MAF: variants seen among roughly 807,000 people sequenced by gnomAD.
MAF encodes the protein transcription factor Maf.
Under a neutral mutation model 22.0 loss-of-function variants are expected in MAF, and 10 were observed. The observed-to-expected ratio is 0.45, with a 90% confidence interval of 0.28 to 0.77. MAF has a LOEUF of 0.77. Among genes scored for constraint, MAF ranks in the 30% least tolerant of loss-of-function variants. MAF has a pLI of 0.12. For missense variants in MAF, 544 were observed against 548.4 expected (o/e 0.99, Z 0.08); for synonymous variants, 337 against 255.8 (o/e 1.32, Z -3.03).
the MAF span, among the ~76,000 whole-genome samples, chr16:79,215,268 G>C: frequency 6.6e-6 from 1 of 152,054 alleles, no homozygotes; most frequent in South Asian, 2.1e-4. Context: ...TTTAAACAGA[G>C]ATGGGGTCTT....
chr16:79,571,004 A>G, the MAF span, among the ~76,000 whole-genome samples: 6 of 152,138 alleles, frequency 3.9e-5, no homozygotes, highest in African/African-American at 7.2e-5. Context: ...GAGGAAACCA[A>G]GCGTCTATAG....
At chr16:79,386,578 C>A in the MAF span, among the ~76,000 whole-genome samples, 3 of 152,170 alleles carry the variant, frequency 2.0e-5, no homozygotes, top group Non-Finnish European at 2.9e-5. Flanking sequence ...TTAACCATAC[C>A]AGCCCATGGC....
the MAF span, chr16:79,211,656 G>T: frequency 1.2e-6 from 2 of 1,614,194 alleles, no homozygotes; most frequent in Non-Finnish European, 1.7e-6. Context: ...CCCAGAACTG[G>T]AGGGTCTGGG....
chr16:79,501,159 G>A, the MAF span, among the ~76,000 whole-genome samples: 1 of 152,128 alleles, frequency 6.6e-6, no homozygotes, highest in Non-Finnish European at 1.5e-5. Flanking sequence ...CCAAGCATCT[G>A]TCCTAGCTTC....
chr16:79,511,497 T>C, the MAF span, among the ~76,000 whole-genome samples: 67 of 152,138 alleles, frequency 4.4e-4, no homozygotes, highest in Non-Finnish European at 7.9e-4. Flanking sequence ...AATAAAAACA[T>C]TGCTGCATTT....
At chr16:79,428,849 A>AAATAATAATAATAAT in the MAF span, among the ~76,000 whole-genome samples, 7,572 of 146,528 alleles carry the variant, frequency 0.052, 232 homozygotes, top group East Asian at 0.12. Context: ...TGTCTCAGAA[A>AAATAATAATAATAAT]AATAATAATA....
rs1913375349 is a variant in MAF, at chr16:79,594,382, AG to A, written c.*77del. On this transcript the variant is annotated 3_prime_UTR_variant, in exon 2 of 2. Coordinates refer to ENST00000326043, the MANE Select transcript of MAF (RefSeq NM_005360.5). ...TTAAAAAGGAGACTAAACAGAAGTC[AG>A]GGGTAGGTGGTTCTCCATGACTGCA... The A allele has an allele frequency of 7.9e-7, 1 of 1,260,610 alleles. No homozygotes were observed. Among genetic ancestry groups the A allele is most frequent in the African/African-American group, 1.5e-5 (1 of 67,314 alleles). The allele number at this position is 1,260,610 out of a possible 1,614,324, so 78.1% of individuals were successfully genotyped here. A position where few individuals can be genotyped will look rare whatever the true frequency, so the allele number is the denominator to read the frequency against.
At chr16:79,432,663 AGTT>A in the MAF span, among the ~76,000 whole-genome samples, 1 of 152,188 alleles carries the variant, frequency 6.6e-6, no homozygotes, top group South Asian at 2.1e-4. Flanking sequence ...TTGTGGAAGT[AGTT>A]AAGATGAAGT....
At chr16:79,297,073 C>T in the MAF span, among the ~76,000 whole-genome samples, 1 of 152,336 alleles carries the variant, frequency 6.6e-6, no homozygotes, top group East Asian at 1.9e-4. Context: ...AATACAGTCG[C>T]TTCTTACTCC....
the MAF span, among the ~76,000 whole-genome samples, chr16:79,493,143 GTTTT>G: frequency 8.6e-6 from 1 of 116,436 alleles, no homozygotes; most frequent in African/African-American, 4.8e-5. Flanking sequence ...TTTTTTTTTT[GTTTT>G]GTTTTGTCTT....
At chr16:79,532,687 C>G in the MAF span, among the ~76,000 whole-genome samples, 1 of 152,136 alleles carries the variant, frequency 6.6e-6, no homozygotes, top group South Asian at 2.1e-4. Flanking sequence ...CGTCATAAAG[C>G]ATTCGTGTGT....
At chr16:79,449,116 C>G in the MAF span, among the ~76,000 whole-genome samples, 1 of 152,172 alleles carries the variant, frequency 6.6e-6, no homozygotes, top group African/African-American at 2.4e-5. Flanking sequence ...AGCCCAGACT[C>G]CTGGCATGCA....
the MAF span, among the ~76,000 whole-genome samples, chr16:79,245,529 A>C: frequency 6.6e-6 from 1 of 152,090 alleles, no homozygotes; most frequent in Non-Finnish European, 1.5e-5. Context: ...ACCAGTTAGA[A>C]TGGCGATCAT....
the MAF span, among the ~76,000 whole-genome samples, chr16:79,387,716 A>G: frequency 6.6e-6 from 1 of 152,252 alleles, no homozygotes; most frequent in Non-Finnish European, 1.5e-5. Context: ...TCTAATGTTT[A>G]TATTGAGAAT....
the MAF span, among the ~76,000 whole-genome samples, chr16:79,517,028 A>T: frequency 2.0e-5 from 3 of 149,238 alleles, no homozygotes; most frequent in African/African-American, 4.9e-5. Flanking sequence ...AAGTTTTTTT[A>T]TTTTTTTTTT....
the MAF span, among the ~76,000 whole-genome samples, chr16:79,519,452 CGTT>C: frequency 6.6e-6 from 1 of 152,218 alleles, no homozygotes; most frequent in Non-Finnish European, 1.5e-5. Flanking sequence ...ACCCAGAACA[CGTT>C]TCCAGGGAGA....
At chr16:79,279,921 G>A in the MAF span, among the ~76,000 whole-genome samples, 553 of 152,318 alleles carry the variant, frequency 3.6e-3, 1 homozygote, top group Middle Eastern at 6.8e-3. Context: ...TTTGGAAAAT[G>A]TTATAAATAC....
the MAF span, among the ~76,000 whole-genome samples, chr16:79,291,154 G>T: frequency 6.6e-6 from 1 of 152,154 alleles, no homozygotes; most frequent in African/African-American, 2.4e-5. Flanking sequence ...AGGAAATGGG[G>T]CCGTCGTCTG....
chr16:79,283,268 A>G, the MAF span, among the ~76,000 whole-genome samples: 3 of 152,356 alleles, frequency 2.0e-5, no homozygotes, highest in African/African-American at 7.2e-5. Context: ...AAAGAAAACC[A>G]TCTTTCTAGA....
Sources: allele counts gnomAD v4.1 joint callset (sites outside exome capture counted in the v4.1 genomes callset), GRCh38; gene constraint gnomAD v4.1.1; transcripts MANE v1.5; gene names NCBI Gene and HGNC (gene_info 2026-07-23, HGNC 2026-07-21).